Variants in CLASP2 observed in about 807,000 individuals in gnomAD.
CLASP2 encodes the protein CLIP-associating protein 2.
CLASP2 carries 47 observed loss-of-function variants against 194.4 expected under a neutral mutation model. The observed-to-expected ratio is 0.24, with a 90% CI of 0.19 to 0.31. The LOEUF is 0.31. CLASP2 is among the 10% of genes least tolerant of loss of function. The pLI, the probability that CLASP2 is intolerant of heterozygous loss-of-function variation, is 1.00. For missense variants in CLASP2, 1,445 were observed against 1,823.6 expected, an observed-to-expected ratio of 0.79 and a Z score of 3.78; for synonymous variants, 619 against 633.5, an observed-to-expected ratio of 0.98 and a Z score of 0.34.
At chr3:33,521,144 T>C (rs775662097) in intron 34 of CLASP2, among the ~76,000 whole-genome samples, 2 of 152,066 alleles carry the variant, frequency 1.3e-5, no homozygotes, top group Non-Finnish European at 2.9e-5. Context: ...TAAATAATGA[T>C]TGTTATAATG....
At chr3:33,534,826 T>C (rs1003133515) in intron 34 of CLASP2, among the ~76,000 whole-genome samples, 7 of 152,214 alleles carry the variant, frequency 4.6e-5, no homozygotes, top group South Asian at 2.1e-4. Context: ...CCTTGAAATG[T>C]ATTTTATTAA....
chr3:33,537,832 C>T (rs1288686445), intron 33 of CLASP2, among the ~76,000 whole-genome samples: 1 of 152,140 alleles, frequency 6.6e-6, no homozygotes, highest in Admixed American at 6.6e-5. Context: ...CTCTAAACTC[C>T]TTATGTGTTC....
chr3:33,517,809 T>G (rs914764643), intron 34 of CLASP2, among the ~76,000 whole-genome samples: 1 of 152,122 alleles, frequency 6.6e-6, no homozygotes, highest in African/African-American at 2.4e-5. Flanking sequence ...ACTACAGGTG[T>G]GTACCTACAC....
intron 22 of CLASP2, among the ~76,000 whole-genome samples, chr3:33,584,282 G>GT (rs35355235): frequency 0.14 from 18,705 of 132,570 alleles, 1,591 homozygotes; most frequent in African/African-American, 0.24. Context: ...TTTGTTTTGG[G>GT]TTTTTTTTTT....
Position 33,708,508 on chromosome 3 carries a change from A to ATATATATATG in CLASP2, c.195+9299_195+9300insCATATATATA, listed in dbSNP as rs1158166545. 3.6e-4 allele frequency among the ~76,000 whole-genome samples: 41 copies of ATATATATATG among 113,746 alleles called. 2 individuals are homozygous for ATATATATATG. In the East Asian group the frequency reaches 4.1e-3, roughly 11 times the overall value. 74.6% of individuals were successfully genotyped at this position (113,746 alleles called of 152,430 possible). ...TGTGTATGTATATATATATATATGTATATATATGTATATATGTATATATAT... is the reference window on the plus strand; with the variant it reads ...TGTGTATGTATATATATATATATGTATATATATATGTATATATGTATATATGTATATATAT... On this transcript the variant is annotated intron_variant, in intron 1 of 38. Transcript: ENST00000682230.
chr3:33,672,426 A>G (rs1314432392), intron 6 of CLASP2, among the ~76,000 whole-genome samples: 1 of 152,224 alleles, frequency 6.6e-6, no homozygotes, highest in Non-Finnish European at 1.5e-5. Flanking sequence ...AAGGACATCC[A>G]CACCAAAAAC....
intron 36 of CLASP2, among the ~76,000 whole-genome samples, chr3:33,513,459 G>A (rs1402708196): frequency 1.3e-5 from 2 of 152,084 alleles, no homozygotes; most frequent in East Asian, 1.9e-4. Context: ...TTGAACTCAG[G>A]AGGCAAGGGT....
chr3:33,675,454 T>C (rs551810386), intron 6 of CLASP2, among the ~76,000 whole-genome samples: 150 of 150,482 alleles, frequency 1.0e-3, no homozygotes, highest in African/African-American at 3.6e-3. Flanking sequence ...ATAAGAGCTA[T>C]CTATGACAAA....
chr3:33,608,448 A>C, intron 14 of CLASP2, 119 bp downstream of exon 14: 1 of 780,810 alleles, frequency 1.3e-6, no homozygotes, highest in Admixed American at 2.7e-5. Context: ...TTTAAAGGAA[A>C]ACCAGTACAA....
chr3:33,656,800 C>T (rs534376233), intron 7 of CLASP2, among the ~76,000 whole-genome samples: 133 of 120,328 alleles, frequency 1.1e-3, no homozygotes, highest in Non-Finnish European at 1.5e-3. Flanking sequence ...AAAAATGATG[C>T]GAAATAACAC....
chr3:33,545,023 CTT>C (rs879492911), intron 30 of CLASP2, 182 bp from the exon 31 acceptor site: 278 of 350,054 alleles, frequency 7.9e-4, no homozygotes, highest in South Asian at 1.1e-3. Flanking sequence ...ATTGACCTAC[CTT>C]TTTTTTTTTT....
intron 7 of CLASP2, among the ~76,000 whole-genome samples, chr3:33,663,025 T>C (rs2085535678): frequency 1.3e-5 from 2 of 152,046 alleles, no homozygotes; most frequent in South Asian, 2.1e-4. Flanking sequence ...TCTTGATCTA[T>C]TATAGTCTGT....
intron 6 of CLASP2, among the ~76,000 whole-genome samples, chr3:33,675,617 T>C (rs1364331311): frequency 2.0e-5 from 3 of 149,946 alleles, no homozygotes; most frequent in Non-Finnish European, 4.4e-5. Flanking sequence ...AAATAAAGGG[T>C]ATTCAATTAG....
chr3:33,666,180 T>C lies in CLASP2; in HGVS notation c.645-2665A>G, dbSNP rs548856981. ...ACAATTAGGTATCTCAGACTTTATCTTTCTAAAATAACAGTATTATTGAGG... is the reference window on the plus strand; with the variant it reads ...ACAATTAGGTATCTCAGACTTTATCCTTCTAAAATAACAGTATTATTGAGG... On this transcript the variant is annotated intron_variant, in intron 6 of 38. Transcript: ENST00000682230. Among the ~76,000 whole-genome samples, 3 of 152,346 alleles carry C rather than the reference T, an allele frequency of 2.0e-5. No homozygotes were observed. In the South Asian group the frequency reaches 6.2e-4, roughly 32 times the overall value.
intron 34 of CLASP2, among the ~76,000 whole-genome samples, chr3:33,526,984 TAA>T (rs2054736893): frequency 6.6e-6 from 1 of 152,214 alleles, no homozygotes; most frequent in Non-Finnish European, 1.5e-5. Context: ...ATGGCAGTGT[TAA>T]GAGGTAAATT....
intron 37 of CLASP2, among the ~76,000 whole-genome samples, chr3:33,509,690 C>T (rs923428812): frequency 6.7e-6 from 1 of 148,458 alleles, no homozygotes; most frequent in African/African-American, 2.5e-5. Flanking sequence ...TAATATTAGT[C>T]AGCCATTAAA....
intron 6 of CLASP2, among the ~76,000 whole-genome samples, chr3:33,669,894 T>A (rs1047289283): frequency 1.3e-5 from 2 of 152,188 alleles, no homozygotes. Flanking sequence ...TGAATTAGTA[T>A]GTATACCACA....
intron 6 of CLASP2, among the ~76,000 whole-genome samples, chr3:33,665,128 G>A (rs938055358): frequency 1.3e-5 from 2 of 151,782 alleles, no homozygotes; most frequent in African/African-American, 4.8e-5. Flanking sequence ...AAGAAAGAAA[G>A]GAGAGGATTT....
At chr3:33,590,303 C>G (rs1247405882) in intron 21 of CLASP2, among the ~76,000 whole-genome samples, 1 of 152,098 alleles carries the variant, frequency 6.6e-6, no homozygotes, top group Non-Finnish European at 1.5e-5. Context: ...AGTATTCAAA[C>G]CTGGGCAGAC....
Sources: gnomAD v4.1 joint callset for allele counts (sites outside exome capture counted in the v4.1 genomes callset) on GRCh38, gnomAD v4.1.1 for gene constraint, MANE v1.5 for transcripts, NCBI Gene and HGNC (gene_info 2026-07-23, HGNC 2026-07-21) for gene names.